Variants in C6 observed in about 807,000 individuals in gnomAD.
C6 encodes the protein complement component C6.
In C6, 101 loss-of-function variants were observed where a neutral mutation model predicts 112.9. The observed-to-expected ratio is 0.89, with a 90% CI of 0.76 to 1.06. The LOEUF is 1.06. Ranked by LOEUF, C6 falls within the 50% of genes least tolerant of loss-of-function variation. C6 has a pLI of 0.00. For synonymous variants in C6, 431 were observed against 384.1 expected, an observed-to-expected ratio of 1.12 and a Z score of -1.43; for missense variants, 1,202 against 1,104.6, an observed-to-expected ratio of 1.09 and a Z score of -1.25.
At chr5:41,237,219 T>A (rs1485089061) in intron 1 of C6, among the ~76,000 whole-genome samples, 1 of 132,412 alleles carries the variant, frequency 7.6e-6, no homozygotes, top group East Asian at 2.2e-4. Context: ...CCTCCCTAAC[T>A]CATTTTATGA....
intron 1 of C6, among the ~76,000 whole-genome samples, chr5:41,255,990 G>A (rs1350798893): frequency 6.6e-6 from 1 of 152,184 alleles, no homozygotes; most frequent in East Asian, 1.9e-4. Flanking sequence ...AGTATCATGA[G>A]GTTGCTGTGC....
chr5:41,154,134 A>C (rs1327328445), intron 14 of C6, 136 bp from the exon 15 acceptor site: 1 of 732,900 alleles, frequency 1.4e-6, no homozygotes, highest in Non-Finnish European at 2.4e-6. Flanking sequence ...CCTTTTGATC[A>C]GAAAACCTGG....
At chr5:41,197,146 C>T (rs1750681345) in intron 4 of C6, among the ~76,000 whole-genome samples, 1 of 151,976 alleles carries the variant, frequency 6.6e-6, no homozygotes, top group African/African-American at 2.4e-5. Flanking sequence ...AGTGGGTTCC[C>T]AAGAAAGTAC....
intron 5 of C6, among the ~76,000 whole-genome samples, chr5:41,187,227 C>G (rs564985463): frequency 4.6e-5 from 7 of 152,076 alleles, no homozygotes; most frequent in Non-Finnish European, 7.4e-5. Context: ...TTCAGTACAC[C>G]CATCCCTTCT....
chr5:41,199,809 AT>A lies in C6; in HGVS notation c.403del (p.Ile135LeufsTer22). 6.2e-7 allele frequency: 1 copy of A among 1,613,846 alleles called. No individual in the cohort carries two copies. The highest frequency in any genetic ancestry group is 8.5e-7 in the Non-Finnish European group (1 of 1,179,770). ...QPCIPSKLCKIEEADCKNKFR... is the reference protein window; with the variant it reads ...QPCIPSKLCKXEEADCKNKFR... ...TTTATTCTTGCAGTCAGCCTCTTCA[AT>A]TTTGCAGAGCTTAGATGGAATGCAT... is the stretch of plus-strand genomic sequence containing the variant. On this transcript the variant is annotated frameshift_variant, in exon 4 of 18. Coordinates refer to ENST00000337836, the MANE Select transcript of C6 (RefSeq NM_000065.5). LOFTEE classifies it high-confidence loss of function.
rs903526047 is a variant in C6, at chr5:41,142,715, A to T, written c.*110T>A. The T allele has an allele frequency of 2.2e-5, 19 of 856,992 alleles. No homozygotes were observed. The highest frequency in any genetic ancestry group is 3.8e-5 in the Non-Finnish European group (19 of 500,362). 53.1% of individuals were successfully genotyped at this position (856,992 alleles called of 1,614,324 possible). A position where few individuals can be genotyped will look rare whatever the true frequency, so the allele number is the denominator to read the frequency against. ...AAACTAACAGAAAATAATTTTTGTCAGTAACTTTGAGCATGCCAGTCTGCT... is the reference window on the plus strand; with the variant it reads ...AAACTAACAGAAAATAATTTTTGTCTGTAACTTTGAGCATGCCAGTCTGCT... On this transcript the variant is annotated 3_prime_UTR_variant, in exon 18 of 18. Transcript: ENST00000337836.
At chr5:41,164,971 G>T (rs1747855616) in intron 9 of C6, among the ~76,000 whole-genome samples, 1 of 152,114 alleles carries the variant, frequency 6.6e-6, no homozygotes, top group Non-Finnish European at 1.5e-5. Flanking sequence ...ACACCGGAAA[G>T]CCTCCTTCAT....
In C6 at chr5:41,172,330, C is replaced by T. The variant is rs765761929; in HGVS notation, c.1186G>A (p.Ala396Thr). The change falls in exon 9 of 18, where the codon GCC becomes ACC. Residue 396 changes from alanine (A) to threonine (T), a missense_variant. Transcript: ENST00000337836. The stretch of plus-strand genomic sequence containing the variant: ...GTTTCAATCCTGACACAGTGTTTGG[C>T]TTCTTCCTCGGTTAAACCTAGGAGA... ...LKNSGLTEEEAKHCVRIETKK... is the reference protein window; with the variant it reads ...LKNSGLTEEETKHCVRIETKK... 1 of 1,613,666 alleles carries T rather than the reference C, an allele frequency of 6.2e-7. No individual in the cohort carries two copies. Among genetic ancestry groups the T allele is most frequent in the South Asian group, 1.1e-5 (1 of 91,082 alleles).
intron 5 of C6, among the ~76,000 whole-genome samples, chr5:41,188,814 C>T (rs1749980516): frequency 6.6e-6 from 1 of 151,340 alleles, no homozygotes; most frequent in African/African-American, 2.4e-5. Flanking sequence ...TAAAGGACAC[C>T]AACAAAAAAG....
rs529745934 is a variant in C6 at position 41,253,712 on chromosome 5, A to G, written c.-21+7482T>C. ...TTACGCTTTCTTGATCCAGAGTGGA[A>G]TGTAATTGTACGGATAATATGTGCT... is the stretch of plus-strand genomic sequence containing the variant. On this transcript the variant is annotated intron_variant, in intron 1 of 17. Transcript: ENST00000263413. Among the ~76,000 whole-genome samples, 4 of 152,328 alleles carry G rather than the reference A, an allele frequency of 2.6e-5. No homozygotes were observed. The South Asian group carries it at 6.2e-4, about 24-fold the overall frequency.
chr5:41,211,387 T>C (rs1045437110), intron 1 of C6, among the ~76,000 whole-genome samples: 1 of 150,852 alleles, frequency 6.6e-6, no homozygotes, highest in Non-Finnish European at 1.5e-5. Context: ...TAAAGTATAA[T>C]AAAAAAAAAT....
intron 1 of C6, among the ~76,000 whole-genome samples, chr5:41,240,536 A>T (rs754738508): frequency 6.6e-6 from 1 of 152,156 alleles, no homozygotes; most frequent in African/African-American, 2.4e-5. Context: ...GTGATGGGCC[A>T]GGTGGGCCAT....
intron 9 of C6, among the ~76,000 whole-genome samples, chr5:41,164,348 A>G (rs943688631): frequency 1.3e-5 from 2 of 152,126 alleles, no homozygotes; most frequent in South Asian, 4.1e-4. Flanking sequence ...TCATGGCCCT[A>G]ATATTAGGGA....
chr5:41,171,233 A>G (rs1024805361), intron 9 of C6, among the ~76,000 whole-genome samples: 1 of 152,172 alleles, frequency 6.6e-6, no homozygotes, highest in Non-Finnish European at 1.5e-5. Context: ...TATTAGATAT[A>G]GAAAGAGGGT....
chr5:41,220,563 G>A (rs1739101614), intron 1 of C6, among the ~76,000 whole-genome samples: 1 of 151,910 alleles, frequency 6.6e-6, no homozygotes, highest in Admixed American at 6.6e-5. Flanking sequence ...TATTTTAACT[G>A]CCTATCTTTT....
intron 1 of C6, among the ~76,000 whole-genome samples, chr5:41,254,445 T>C (rs888257892): frequency 1.3e-5 from 2 of 152,150 alleles, no homozygotes; most frequent in Non-Finnish European, 2.9e-5. Context: ...AATTTTTGTC[T>C]TCTCCTTAGC....
At chr5:41,186,250 C>A (rs752163131) in intron 5 of C6, 42 bp from the exon 6 acceptor site, 3 of 1,607,850 alleles carry the variant, frequency 1.9e-6, no homozygotes, top group South Asian at 1.1e-5. Context: ...AGATGTAGAA[C>A]AATCTTTAAA....
At chr5:41,155,822 T>C (rs914201865) in intron 13 of C6, among the ~76,000 whole-genome samples, 2 of 151,996 alleles carry the variant, frequency 1.3e-5, no homozygotes, top group African/African-American at 4.8e-5. Context: ...TGTCCTACTA[T>C]TGCTAGAATA....
intron 15 of C6, 25 bp from the exon 16 acceptor site, chr5:41,150,050 A>G (rs1746235982): frequency 7.1e-7 from 1 of 1,408,328 alleles, no homozygotes; most frequent in Non-Finnish European, 1.0e-6. Flanking sequence ...AAAAGGAGAA[A>G]AGAACAGTGC....
Sources: allele counts gnomAD v4.1 joint callset (sites outside exome capture counted in the v4.1 genomes callset), GRCh38; gene constraint gnomAD v4.1.1; transcripts MANE v1.5; gene names NCBI Gene and HGNC (gene_info 2026-07-23, HGNC 2026-07-21).